SPOCK3: variants seen among roughly 807,000 people sequenced by gnomAD.
The protein encoded by SPOCK3 is SPARC (osteonectin), cwcv and kazal like domains proteoglycan 3, also known as testican-3.
Under a neutral mutation model 56.6 loss-of-function variants are expected in SPOCK3, and 30 were observed. The ratio of observed to expected loss-of-function variants is 0.53; its 90% CI spans 0.40 to 0.72. The LOEUF is 0.72. Ranked by LOEUF, SPOCK3 falls within the 30% of genes least tolerant of loss-of-function variation. SPOCK3 has a pLI of 0.00. For synonymous variants in SPOCK3, 196 were observed against 183.3 expected (o/e 1.07, Z -0.56); for missense variants, 527 against 530.0 (o/e 0.99, Z 0.06).
chr4:167,157,562 T>C (rs867815402), intron 2 of SPOCK3, among the ~76,000 whole-genome samples: 6 of 151,732 alleles, frequency 4.0e-5, no homozygotes, highest in African/African-American at 1.5e-4. Flanking sequence ...ATGTCACATA[T>C]TATATTTCTT....
At chr4:166,937,052 G>A (rs1056283479) in intron 4 of SPOCK3, among the ~76,000 whole-genome samples, 1 of 151,950 alleles carries the variant, frequency 6.6e-6, no homozygotes, top group Non-Finnish European at 1.5e-5. Context: ...GATTTTAGCT[G>A]AATTTCACTA....
chr4:166,975,823 A>C (rs1272886318), intron 4 of SPOCK3, among the ~76,000 whole-genome samples: 1 of 152,004 alleles, frequency 6.6e-6, no homozygotes, highest in Non-Finnish European at 1.5e-5. Flanking sequence ...AGTACCATCC[A>C]TGTTGTTAGA....
chr4:167,205,217 A>T (rs1384095360), intron 2 of SPOCK3, among the ~76,000 whole-genome samples: 1 of 97,670 alleles, frequency 1.0e-5, no homozygotes, highest in Non-Finnish European at 1.9e-5. Flanking sequence ...ATTATATATT[A>T]TATATTTTAT....
At chr4:166,982,495 T>G (rs149802574) in intron 4 of SPOCK3, among the ~76,000 whole-genome samples, 1 of 152,096 alleles carries the variant, frequency 6.6e-6, no homozygotes, top group Admixed American at 6.5e-5. Flanking sequence ...GAGCTTGCAG[T>G]GAGCCAAGAT....
intron 3 of SPOCK3, among the ~76,000 whole-genome samples, chr4:167,010,697 C>T (rs537899246): frequency 1.1e-4 from 16 of 151,502 alleles, no homozygotes; most frequent in Middle Eastern, 3.2e-3. Flanking sequence ...GAAAGTATAC[C>T]GACGGACCCA....
intron 6 of SPOCK3, among the ~76,000 whole-genome samples, chr4:166,849,536 A>G (rs547555829): frequency 6.6e-6 from 1 of 152,194 alleles, no homozygotes; most frequent in Non-Finnish European, 1.5e-5. Context: ...ATAAGAGAAC[A>G]AGAAATTTAA....
rs1428282782 is a variant in SPOCK3 at position 166,981,126 on chromosome 4, C to T, written c.350+19223G>A. Among the ~76,000 whole-genome samples the T allele has an allele frequency of 2.6e-5, 4 of 151,908 alleles. No individual in the cohort carries two copies. The East Asian group carries it at 7.8e-4, about 29-fold the overall frequency. On this transcript the variant is annotated intron_variant, in intron 4 of 10. Transcript: ENST00000357545. ...CCTTTCTGCAGGCAGGTCGTTCCAA[C>T]AAGTGTCCAGCTTTCAGCCCAGAGG... is the stretch of plus-strand genomic sequence containing the variant.
intron 5 of SPOCK3, among the ~76,000 whole-genome samples, chr4:166,903,240 G>T (rs948357104): frequency 1.3e-5 from 2 of 151,060 alleles, no homozygotes; most frequent in East Asian, 3.9e-4. Flanking sequence ...ATCCTTAGAC[G>T]TTTGAATTAA....
intron 2 of SPOCK3, among the ~76,000 whole-genome samples, chr4:167,206,246 C>T (rs868591947): frequency 6.6e-6 from 1 of 151,956 alleles, no homozygotes; most frequent in Non-Finnish European, 1.5e-5. Context: ...ATCACTTGAA[C>T]CCGGGAGTCG....
intron 4 of SPOCK3, among the ~76,000 whole-genome samples, chr4:166,923,706 A>G (rs1309665940): frequency 2.6e-5 from 4 of 152,188 alleles, no homozygotes; most frequent in Non-Finnish European, 5.9e-5. Flanking sequence ...GGTCTAACTG[A>G]TTCTTCTGTC....
At chr4:167,067,922 T>C (rs1756320010) in intron 2 of SPOCK3, among the ~76,000 whole-genome samples, 1 of 151,786 alleles carries the variant, frequency 6.6e-6, no homozygotes, top group African/African-American at 2.4e-5. Flanking sequence ...TGTTAATACT[T>C]ATTAGTTGTA....
intron 2 of SPOCK3, among the ~76,000 whole-genome samples, chr4:167,189,283 A>C (rs1732271391): frequency 6.8e-6 from 1 of 146,230 alleles, no homozygotes; most frequent in South Asian, 2.1e-4. Flanking sequence ...AAAATGTTCA[A>C]GACTGCTTCA....
chr4:167,185,539 C>A (rs181953622), intron 2 of SPOCK3, among the ~76,000 whole-genome samples: 2 of 152,240 alleles, frequency 1.3e-5, no homozygotes, highest in African/African-American at 4.8e-5. Flanking sequence ...TCATCCAAAG[C>A]TCTGCCATGG....
At chr4:166,896,924 C>T (rs115991663) in intron 5 of SPOCK3, among the ~76,000 whole-genome samples, 7 of 152,160 alleles carry the variant, frequency 4.6e-5, no homozygotes, top group Admixed American at 2.0e-4. Context: ...CCCCCTTCAC[C>T]AACTGGGGGG....
At chr4:166,827,121 T>A (rs1223768293) in intron 6 of SPOCK3, among the ~76,000 whole-genome samples, 5 of 152,162 alleles carry the variant, frequency 3.3e-5, no homozygotes, top group Non-Finnish European at 4.4e-5. Context: ...GTGTTTTTCA[T>A]TTTGCTTTTA....
chr4:167,173,057 A>G (rs1404727944), intron 2 of SPOCK3, among the ~76,000 whole-genome samples: 3 of 152,158 alleles, frequency 2.0e-5, no homozygotes, highest in Non-Finnish European at 4.4e-5. Flanking sequence ...ATCATTCATT[A>G]GCACGAGGCA....
At chr4:166,811,172 G>T (rs967545513) in intron 6 of SPOCK3, among the ~76,000 whole-genome samples, 2 of 151,376 alleles carry the variant, frequency 1.3e-5, no homozygotes, top group African/African-American at 2.4e-5. Flanking sequence ...TTTGTCTTTT[G>T]TAATCCTCTG....
chr4:167,086,867 T>C (rs937307299), intron 2 of SPOCK3, among the ~76,000 whole-genome samples: 5 of 152,122 alleles, frequency 3.3e-5, no homozygotes, highest in African/African-American at 1.2e-4. Context: ...ATTGAATTAA[T>C]GAGATTACAA....
chr4:167,012,820 G>A (rs950283249), intron 3 of SPOCK3, among the ~76,000 whole-genome samples: 3 of 151,906 alleles, frequency 2.0e-5, no homozygotes, highest in African/African-American at 7.2e-5. Flanking sequence ...TCTGATAGCA[G>A]TTTCTTTCAT....
Sources: gnomAD v4.1 joint callset for allele counts (sites outside exome capture counted in the v4.1 genomes callset) on GRCh38, gnomAD v4.1.1 for gene constraint, MANE v1.5 for transcripts, NCBI Gene and HGNC (gene_info 2026-07-23, HGNC 2026-07-21) for gene names.